The following PCDHA12 variants were observed in gnomAD, a reference collection of about 807,000 sequenced individuals.
PCDHA12 encodes the protein protocadherin alpha-12.
In PCDHA12, 44 loss-of-function variants were observed where a neutral mutation model predicts 60.0. The ratio of observed to expected loss-of-function variants is 0.73; its 90% CI spans 0.58 to 0.94. PCDHA12 has a LOEUF of 0.94. Ranked by LOEUF, PCDHA12 falls within the 40% of genes least tolerant of loss-of-function variation. The pLI is 0.00. For missense variants in PCDHA12, 1,276 were observed against 1,239.7 expected (o/e 1.03, Z -0.44); for synonymous variants, 569 against 553.0 (o/e 1.03, Z -0.40).
chr5:140,937,199 G>A (rs2091405017), intron 1 of PCDHA12, among the ~76,000 whole-genome samples: 2 of 151,792 alleles, frequency 1.3e-5, no homozygotes, highest in Admixed American at 6.6e-5. Context: ...CACCATGCCC[G>A]GCTAATTTTT....
Position 140,997,511 on chromosome 5 carries a change from G to A in PCDHA12, c.2516-12116G>A, listed in dbSNP as rs565737825. Among the ~76,000 whole-genome samples, 79 of 152,108 alleles carry A rather than the reference G, an allele frequency of 5.2e-4. No individual in the cohort carries two copies. In the South Asian group the frequency reaches 1.0e-2, roughly 19 times the overall value. ...TTTGTGTATCTCAACATACCTAAACGCAGAAAAAGTACAATAAAAATACAT... is the reference window on the plus strand; with the variant it reads ...TTTGTGTATCTCAACATACCTAAACACAGAAAAAGTACAATAAAAATACAT... On this transcript the variant is annotated intron_variant, in intron 3 of 3. Transcript: ENST00000398631.
At chr5:140,912,139 GTTC>G (rs2075787473) in intron 1 of PCDHA12, among the ~76,000 whole-genome samples, 1 of 152,162 alleles carries the variant, frequency 6.6e-6, no homozygotes. Context: ...ATCTCTCCAT[GTTC>G]TTCTGCCTGT....
intron 3 of PCDHA12, chr5:140,988,853 A>G (rs1216953693): frequency 1.3e-5 from 2 of 152,208 alleles, no homozygotes; most frequent in Non-Finnish European, 2.9e-5. Flanking sequence ...AAACCTATCC[A>G]GTCTCATGTG....
At chr5:140,942,105 A>G (rs572263085) in intron 1 of PCDHA12, among the ~76,000 whole-genome samples, 2 of 152,344 alleles carry the variant, frequency 1.3e-5, no homozygotes, top group South Asian at 2.1e-4. Context: ...CATTCATATA[A>G]TCAAACTTTA....
At chr5:140,928,208 A>G in intron 1 of PCDHA12, 1 of 1,614,228 alleles carries the variant, frequency 6.2e-7, no homozygotes, top group Non-Finnish European at 8.5e-7. Context: ...GCTGATGTGA[A>G]TGACAATACA....
At chr5:140,993,431 C>T (rs1171497178) in intron 3 of PCDHA12, among the ~76,000 whole-genome samples, 1 of 149,406 alleles carries the variant, frequency 6.7e-6, no homozygotes, top group African/African-American at 2.5e-5. Context: ...TTTTAAAATC[C>T]TTATTCATTC....
intron 1 of PCDHA12, among the ~76,000 whole-genome samples, chr5:140,946,015 G>A (rs246056): frequency 0.57 from 86,078 of 151,518 alleles, 25,094 homozygotes; most frequent in African/African-American, 0.71. Context: ...AAGCTCCTGC[G>A]CAGCAAAGAA....
chr5:140,959,118 C>T (rs781848896), intron 1 of PCDHA12, among the ~76,000 whole-genome samples: 8 of 151,838 alleles, frequency 5.3e-5, no homozygotes, highest in Non-Finnish European at 1.0e-4. Context: ...CGAAGGTGGG[C>T]GAGGTGAGCC....
chr5:141,001,518 C>G (rs573560944), intron 3 of PCDHA12, among the ~76,000 whole-genome samples: 2 of 152,272 alleles, frequency 1.3e-5, no homozygotes, highest in East Asian at 1.9e-4. Context: ...AGCTTTCTCC[C>G]TCTCTCTCTG....
intron 1 of PCDHA12, among the ~76,000 whole-genome samples, chr5:140,890,239 C>G (rs1398307605): frequency 6.6e-6 from 1 of 151,982 alleles, no homozygotes; most frequent in African/African-American, 2.4e-5. Context: ...AAGCATTTAC[C>G]AGTACACTAC....
chr5:141,010,312 G>C lies in PCDHA12; in HGVS notation c.*375G>C. On this transcript the variant is annotated 3_prime_UTR_variant, in exon 4 of 4. Transcript: ENST00000398631. ...TGCAGGGCAGGCTGAAAAGTTTTGA[G>C]ATTGAGCAGCTTGGGAGTTTGTGGC... is the stretch of plus-strand genomic sequence containing the variant. 1 of 1,547,400 alleles carries C rather than the reference G, an allele frequency of 6.5e-7. No individual in the cohort carries two copies. The highest frequency in any genetic ancestry group is 8.7e-7 in the Non-Finnish European group (1 of 1,145,752).
intron 1 of PCDHA12, among the ~76,000 whole-genome samples, chr5:140,903,723 A>G (rs1361598477): frequency 6.6e-6 from 1 of 152,210 alleles, no homozygotes; most frequent in Non-Finnish European, 1.5e-5. Flanking sequence ...AATTCTCCCT[A>G]TTATCAATTA....
At chr5:140,968,190 C>A (rs782155295) in intron 1 of PCDHA12, 2 of 1,613,954 alleles carry the variant, frequency 1.2e-6, no homozygotes, top group African/African-American at 2.7e-5. Flanking sequence ...GACTCCTATT[C>A]CATCTACATA....
At chr5:140,907,341 G>A (rs376587538) in intron 1 of PCDHA12, among the ~76,000 whole-genome samples, 1 of 152,326 alleles carries the variant, frequency 6.6e-6, no homozygotes, top group South Asian at 2.1e-4. Context: ...ATATGCATGA[G>A]CCCGCTGCTG....
Position 140,920,254 on chromosome 5 carries a change from A to G in PCDHA12, c.2367+42415A>G, listed in dbSNP as rs117923328. Reference sequence around the variant, plus strand: ...TATATACCCAACAATACATCGCTATAATAATTATTACTTTATGTAATCTTA... The same window carrying G: ...TATATACCCAACAATACATCGCTATGATAATTATTACTTTATGTAATCTTA... On this transcript the variant is annotated intron_variant, in intron 1 of 3. Transcript: ENST00000398631. Among the ~76,000 whole-genome samples the G allele has an allele frequency of 8.5e-5, 13 of 152,332 alleles. No individual in the cohort carries two copies. In the East Asian group the frequency reaches 2.5e-3, roughly 29 times the overall value.
rs1554169776 is a variant in PCDHA12 at position 140,877,467 on chromosome 5, G to A, written c.1995G>A (p.Val665=). The part of the protein sequence containing the change: ...GEPALTSTAT[V]LVSLVENGQA... ...CCGCGCTGACGTCCACGGCCACGGT[G>A]CTGGTGTCGCTGGTGGAGAACGGCC... is the stretch of plus-strand genomic sequence containing the variant. The change falls in exon 1 of 4, where the codon GTG becomes GTA. Residue 665 remains valine (V), a synonymous_variant. Coordinates refer to ENST00000398631, the MANE Select transcript of PCDHA12 (RefSeq NM_018903.4). 1 of 1,613,750 alleles carries A rather than the reference G, an allele frequency of 6.2e-7. No individual in the cohort carries two copies. The highest frequency in any genetic ancestry group is 1.3e-5 in the African/African-American group (1 of 74,932).
chr5:140,885,367 G>T (rs1476588272), intron 1 of PCDHA12, among the ~76,000 whole-genome samples: 2 of 152,244 alleles, frequency 1.3e-5, no homozygotes, highest in African/African-American at 4.8e-5. Flanking sequence ...GTGACTGAAA[G>T]TACCTTTTGG....
At chr5:140,922,135 C>T (rs550862927) in intron 1 of PCDHA12, among the ~76,000 whole-genome samples, 3 of 152,092 alleles carry the variant, frequency 2.0e-5, no homozygotes, top group African/African-American at 7.2e-5. Context: ...TGTCTCTTAT[C>T]CTCCATGAAA....
chr5:141,002,612 CA>C, intron 3 of PCDHA12, among the ~76,000 whole-genome samples: 1 of 152,178 alleles, frequency 6.6e-6, no homozygotes, highest in Non-Finnish European at 1.5e-5. Flanking sequence ...AAAACAGACA[CA>C]TAACACAGAC....
Sources: gnomAD v4.1 joint callset for allele counts (sites outside exome capture counted in the v4.1 genomes callset) on GRCh38, gnomAD v4.1.1 for gene constraint, MANE v1.5 for transcripts, NCBI Gene and HGNC (gene_info 2026-07-23, HGNC 2026-07-21) for gene names.